Variants in HMGCS2 observed in about 807,000 individuals in gnomAD.
HMGCS2 encodes 3-hydroxy-3-methylglutaryl-CoA synthase 2, also known as hydroxymethylglutaryl-CoA synthase, mitochondrial.
HMGCS2 carries 50 observed loss-of-function variants against 57.4 expected under a neutral mutation model. The ratio of observed to expected loss-of-function variants is 0.87; its 90% CI spans 0.69 to 1.10. The LOEUF (loss-of-function observed/expected upper bound fraction) is 1.10. HMGCS2 is among the 50% of genes least tolerant of loss of function. The probability of loss-of-function intolerance (pLI) is 0.00; values close to 1 mark genes in which losing one functional copy is unlikely to be tolerated. For missense variants in HMGCS2, 627 were observed against 636.5 expected, an observed-to-expected ratio of 0.99 and a Z score of 0.16; for synonymous variants, 254 against 245.1, an observed-to-expected ratio of 1.04 and a Z score of -0.34.
Position 119,753,397 on chromosome 1 carries a change from A to G in HMGCS2, c.1188-11T>C, listed in dbSNP as rs756771993. The G allele has an allele frequency of 7.2e-6, 10 of 1,379,908 alleles. No homozygotes were observed. In the South Asian group the frequency reaches 1.2e-4, roughly 16 times the overall value. 85.5% of individuals were successfully genotyped at this position (1,379,908 alleles called of 1,614,324 possible). A position where few individuals can be genotyped will look rare whatever the true frequency, so the allele number is the denominator to read the frequency against. On this transcript the variant is annotated splice_polypyrimidine_tract_variant and intron_variant, in intron 6 of 9. Coordinates refer to ENST00000369406, the MANE Select transcript of HMGCS2 (RefSeq NM_005518.4). Reference sequence around the variant, plus strand: ...TCTTGGGCAGAGTGGCTGTGGGGAAAGAAATCAAATAAAACACACACACAC... The same window carrying G: ...TCTTGGGCAGAGTGGCTGTGGGGAAGGAAATCAAATAAAACACACACACAC...
Position 119,759,269 on chromosome 1 carries a change from G to T in HMGCS2, c.699C>A (p.Thr233=). The change falls in exon 4 of 10, where the codon ACC becomes ACA. Residue 233 remains threonine, a synonymous_variant. Transcript: ENST00000369406. ...PLALERGLRG[T]HMENVYDFYK... Reference sequence around the variant, plus strand: ...AGAAGTCATACACATTCTCCATATGGGTTCCCCTCAGCCCTGGAAAGGCAC... The same window carrying T: ...AGAAGTCATACACATTCTCCATATGTGTTCCCCTCAGCCCTGGAAAGGCAC... 6.2e-7 allele frequency: 1 copy of T among 1,613,846 alleles called. No individual in the cohort carries two copies. Among genetic ancestry groups the T allele is most frequent in the Non-Finnish European group, 8.5e-7 (1 of 1,179,874 alleles).
chr1:119,753,937 T>G (rs1271420557), intron 6 of HMGCS2, among the ~76,000 whole-genome samples: 2 of 151,760 alleles, frequency 1.3e-5, no homozygotes, highest in Non-Finnish European at 2.9e-5. Context: ...GTGCCCGGAA[T>G]GCAGTGGCGT....
At chr1:119,757,538 AG>A in intron 4 of HMGCS2, 100 bp from the exon 5 acceptor site, 2 of 1,587,456 alleles carry the variant, frequency 1.3e-6, no homozygotes, top group African/African-American at 2.7e-5. Flanking sequence ...CAGGCCTCCC[AG>A]GGAACTACTT....
At position 119,764,198 on chromosome 1, in the gene HMGCS2, T is replaced by C. The variant is rs1386957244; in HGVS notation, c.533A>G (p.Asn178Ser). ...GGTASLFNAA[N>S]WMESSSWDGR... ...ATCCCAGGAACTGGACTCCATCCAG[T>C]TGGCAGCATTGAAGAGGGAGGCAGT... is the stretch of plus-strand genomic sequence containing the variant. Residue 178 changes from asparagine to serine, a missense_variant, in exon 2 of 10, where the codon AAC becomes AGC. By Grantham distance (46) the Asn-to-Ser change is conservative (BLOSUM62 1). Transcript: ENST00000369406. 4.3e-6 allele frequency: 7 copies of C among 1,613,484 alleles called. No individual in the cohort carries two copies. Among genetic ancestry groups the C allele is most frequent in the Admixed American group, 1.7e-5 (1 of 59,998 alleles).
intron 1 of HMGCS2, among the ~76,000 whole-genome samples, chr1:119,765,905 C>T (rs1057317187): frequency 3.9e-5 from 6 of 152,296 alleles, no homozygotes; most frequent in Admixed American, 2.0e-4. Context: ...GTGAATAAGA[C>T]ATGCATTGTG....
intron 9 of HMGCS2, among the ~76,000 whole-genome samples, chr1:119,749,399 C>T (rs587701555): frequency 8.5e-5 from 8 of 93,904 alleles, no homozygotes; most frequent in Non-Finnish European, 1.2e-4. Context: ...TTTCCCCCCT[C>T]CCTCCCTATT....
rs1429593841 is a variant in HMGCS2, at chr1:119,753,453, G to GTA, written c.1188-69_1188-68dup. On this transcript the variant is annotated intron_variant, in intron 6 of 9. Transcript: ENST00000369406. ...CACACACACACACACACACATATAT[G>GTA]TATATATATATTATATTCTGCACTT... 6.9e-4 allele frequency: 480 copies of GTA among 691,796 alleles called. 1 individual carries two copies. Among genetic ancestry groups the GTA allele is most frequent in the Non-Finnish European group, 1.1e-3 (418 of 387,266 alleles). 42.9% of individuals were successfully genotyped at this position (691,796 alleles called of 1,614,324 possible). A position where few individuals can be genotyped will look rare whatever the true frequency, so the allele number is the denominator to read the frequency against.
chr1:119,758,977 G>T, intron 4 of HMGCS2, 141 bp downstream of exon 4: 1 of 871,306 alleles, frequency 1.1e-6, no homozygotes, highest in Non-Finnish European at 1.9e-6. Flanking sequence ...ACCCAGGGAA[G>T]AGTGTAAGAA....
At chr1:119,751,482 C>G (rs1008208243) in intron 8 of HMGCS2, among the ~76,000 whole-genome samples, 1 of 151,570 alleles carries the variant, frequency 6.6e-6, no homozygotes, top group South Asian at 2.1e-4. Context: ...TTCTCCTCAG[C>G]CTCCTGAGTA....
intron 5 of HMGCS2, 75 bp from the exon 6 acceptor site, chr1:119,755,672 C>G (rs1178747707): frequency 1.4e-6 from 2 of 1,389,068 alleles, no homozygotes; most frequent in Non-Finnish European, 2.1e-6. Context: ...AAAGTAACAG[C>G]TTCTGGAGAG....
intron 3 of HMGCS2, 191 bp from the exon 4 acceptor site, chr1:119,759,473 A>C (rs968899560): frequency 3.0e-6 from 2 of 656,620 alleles, no homozygotes; most frequent in Non-Finnish European, 5.4e-6. Context: ...AATGAGATGT[A>C]TATTTCCCTT....
intron 6 of HMGCS2, among the ~76,000 whole-genome samples, chr1:119,755,176 T>A (rs1478858956): frequency 6.6e-6 from 1 of 151,998 alleles, no homozygotes; most frequent in East Asian, 1.9e-4. Flanking sequence ...ACAACCATGC[T>A]CAGCTAATTT....
chr1:119,757,480 C>A, intron 4 of HMGCS2, 42 bp from the exon 5 acceptor site: 2 of 1,613,536 alleles, frequency 1.2e-6, no homozygotes, highest in Non-Finnish European at 1.7e-6. Context: ...GCATGAGGGG[C>A]GAGCCATTTA....
At chr1:119,751,627 C>CA (rs1652663593) in intron 8 of HMGCS2, among the ~76,000 whole-genome samples, 1 of 152,016 alleles carries the variant, frequency 6.6e-6, no homozygotes, top group South Asian at 2.1e-4. Context: ...AGGCTGGTCT[C>CA]AAACTCCTGG....
intron 4 of HMGCS2, among the ~76,000 whole-genome samples, chr1:119,758,731 A>C (rs587768323): frequency 2.6e-3 from 393 of 152,338 alleles, no homozygotes; most frequent in Non-Finnish European, 3.7e-3. Context: ...TGAGACTTTA[A>C]AAGATGGTAA....
intron 3 of HMGCS2, 30 bp from the exon 4 acceptor site, chr1:119,759,312 C>A: frequency 1.2e-6 from 2 of 1,606,540 alleles, no homozygotes; most frequent in South Asian, 2.2e-5. Flanking sequence ...GTTTCAGAGA[C>A]TACACAATGC....
rs188523700 is a variant in HMGCS2 at position 119,757,452 on chromosome 1, C to T, written c.851-14G>A. The T allele has an allele frequency of 1.4e-4, 223 of 1,613,988 alleles. 3 individuals carry two copies. The East Asian group carries it at 1.6e-3, about 12-fold the overall frequency. ...GATCGCTGCCAGCTGGAAGAGGAAG[C>T]GTGAAGGCAAGGATGGGGCATGAGG... On this transcript the variant is annotated splice_polypyrimidine_tract_variant and intron_variant, in intron 4 of 9. Coordinates refer to ENST00000369406, the MANE Select transcript of HMGCS2 (RefSeq NM_005518.4).
chr1:119,765,275 ATTTTTT>A (rs1471468792), intron 1 of HMGCS2, among the ~76,000 whole-genome samples: 1 of 151,666 alleles, frequency 6.6e-6, no homozygotes, highest in East Asian at 1.9e-4. Context: ...CGCCCAGCTA[ATTTTTT>A]GTATTTTTAG....
Position 119,750,787 on chromosome 1 carries a change from T to G in HMGCS2, c.*5+10A>C, listed in dbSNP as rs1652629609. ...GTTTTATGCCACCAACTCTGCAAACTCTCACTCACCACCTTTAGACGGGAC... is the reference window on the plus strand; with the variant it reads ...GTTTTATGCCACCAACTCTGCAAACGCTCACTCACCACCTTTAGACGGGAC... On this transcript the variant is annotated intron_variant, in intron 9 of 9. Transcript: ENST00000369406. The G allele has an allele frequency of 6.3e-7, 1 of 1,586,060 alleles. No individual in the cohort carries two copies. The highest frequency in any genetic ancestry group is 8.7e-7 in the Non-Finnish European group (1 of 1,154,644).
Sources: allele counts gnomAD v4.1 joint callset (sites outside exome capture counted in the v4.1 genomes callset), GRCh38; gene constraint gnomAD v4.1.1; transcripts MANE v1.5; gene names NCBI Gene and HGNC (gene_info 2026-07-23, HGNC 2026-07-21).